ITPR2: variants seen among roughly 807,000 people sequenced by gnomAD.
ITPR2 encodes inositol 1,4,5-trisphosphate receptor type 2.
In ITPR2, 207 loss-of-function variants were observed where a neutral mutation model predicts 317.1. The observed-to-expected ratio is 0.65, with a 90% confidence interval of 0.58 to 0.73. ITPR2 has a LOEUF of 0.73. Ranked by LOEUF, ITPR2 falls within the 30% of genes least tolerant of loss-of-function variation. The pLI is 0.00. For missense variants in ITPR2, 2,613 were observed against 3,284.0 expected (o/e 0.80, Z 4.99); for synonymous variants, 1,156 against 1,149.1 (o/e 1.01, Z -0.12).
chr12:26,484,909 G>A (rs1286407756), intron 41 of ITPR2, among the ~76,000 whole-genome samples: 1 of 152,114 alleles, frequency 6.6e-6, no homozygotes. Context: ...TAGAGACGGG[G>A]TTTCACTGGG....
At position 26,653,907 on chromosome 12, in the gene ITPR2, T is replaced by C. The variant is rs974088463; in HGVS notation, c.2740+69A>G. 23 of 1,309,544 alleles carry C rather than the reference T, an allele frequency of 1.8e-5. No individual in the cohort carries two copies. The South Asian group carries it at 2.2e-4, about 13-fold the overall frequency. The allele number at this position is 1,309,544 out of a possible 1,614,324, so 81.1% of individuals were successfully genotyped here. A position where few individuals can be genotyped will look rare whatever the true frequency, so the allele number is the denominator to read the frequency against. On this transcript the variant is annotated intron_variant, in intron 21 of 56. Transcript: ENST00000381340. ...AGGTACACAATAGCAACCCCTTCTC[T>C]GTAGTTTTGTTTTTTATCTTACTTC...
intron 13 of ITPR2, among the ~76,000 whole-genome samples, chr12:26,669,916 G>A (rs1264539477): frequency 6.6e-6 from 1 of 152,248 alleles, no homozygotes; most frequent in Non-Finnish European, 1.5e-5. Context: ...TGGCTGGGAG[G>A]GTCCTACGCC....
intron 1 of ITPR2, among the ~76,000 whole-genome samples, chr12:26,830,267 T>A (rs1428170510): frequency 6.6e-6 from 1 of 152,250 alleles, no homozygotes; most frequent in Non-Finnish European, 1.5e-5. Flanking sequence ...GGCTTTGTCA[T>A]ATTAACTTCA....
intron 32 of ITPR2, among the ~76,000 whole-genome samples, chr12:26,585,350 AT>A (rs1945497654): frequency 1.3e-5 from 2 of 152,196 alleles, no homozygotes; most frequent in South Asian, 4.1e-4. Flanking sequence ...TAGATATATA[AT>A]AATTTATTTA....
intron 22 of ITPR2, among the ~76,000 whole-genome samples, chr12:26,631,472 T>A (rs1206415702): frequency 6.6e-6 from 1 of 152,216 alleles, no homozygotes; most frequent in Non-Finnish European, 1.5e-5. Context: ...ATATATGGAA[T>A]CACATGTTCA....
At chr12:26,434,442 C>A (rs1418987740) in intron 48 of ITPR2, among the ~76,000 whole-genome samples, 1 of 152,134 alleles carries the variant, frequency 6.6e-6, no homozygotes, top group Non-Finnish European at 1.5e-5. Flanking sequence ...TCTGCTTCTC[C>A]TGAATGAGTA....
At chr12:26,574,268 T>C (rs1945226491) in intron 34 of ITPR2, among the ~76,000 whole-genome samples, 5 of 152,140 alleles carry the variant, frequency 3.3e-5, no homozygotes, top group Admixed American at 3.3e-4. Context: ...AAAATAATTA[T>C]TGTGTTCCTC....
chr12:26,811,816 T>G (rs1950755802), intron 1 of ITPR2, among the ~76,000 whole-genome samples: 1 of 134,352 alleles, frequency 7.4e-6, no homozygotes, highest in Non-Finnish European at 1.5e-5. Flanking sequence ...ATCGCACCAC[T>G]GCACTCCAGC....
rs572034619 is a variant in ITPR2 at position 26,478,991 on chromosome 12, A to G, written c.6124-1984T>C. 1.1e-3 allele frequency among the ~76,000 whole-genome samples: 172 copies of G among 152,030 alleles called. 6 individuals carry two copies. The South Asian group carries it at 0.034, about 30-fold the overall frequency. ...TTAATATGGTATCTTTTTAATGTTA[A>G]AGATAATTTATTATTTAAAGTACCC... On this transcript the variant is annotated intron_variant, in intron 43 of 56. Transcript: ENST00000381340.
chr12:26,760,955 C>T lies in ITPR2; in HGVS notation c.163+29202G>A, dbSNP rs542019235. On this transcript the variant is annotated intron_variant, in intron 2 of 56. Coordinates refer to ENST00000381340, the MANE Select transcript of ITPR2 (RefSeq NM_002223.4). ...GTCCCAGGCACCAGGCTGGCATCCA[C>T]AGACCCAGCCTTCAGGAACACCCCT... 2.6e-5 allele frequency among the ~76,000 whole-genome samples: 4 copies of T among 152,318 alleles called. No individual in the cohort carries two copies. The East Asian group carries it at 7.7e-4, about 29-fold the overall frequency.
At chr12:26,351,372 G>A (rs537174919) in intron 55 of ITPR2, among the ~76,000 whole-genome samples, 2 of 152,370 alleles carry the variant, frequency 1.3e-5, no homozygotes, top group East Asian at 3.9e-4. Flanking sequence ...GGGGAAGCTG[G>A]TCTGAGCAAG....
intron 37 of ITPR2, among the ~76,000 whole-genome samples, chr12:26,536,786 C>A (rs1196266987): frequency 6.6e-6 from 1 of 152,116 alleles, no homozygotes; most frequent in Non-Finnish European, 1.5e-5. Flanking sequence ...GTGCTGAGGG[C>A]CAAGATCAAG....
intron 37 of ITPR2, among the ~76,000 whole-genome samples, chr12:26,513,657 C>G (rs893861005): frequency 2.0e-5 from 3 of 152,050 alleles, no homozygotes; most frequent in Non-Finnish European, 4.4e-5. Flanking sequence ...CCAGGTTTCT[C>G]TTGTCTCAGC....
rs758916640 is a variant in ITPR2, at chr12:26,411,304, A to G, written c.7399+16T>C. ...AGATATCAAGTTCATACTGACCCAG[A>G]GTCCTTTCTACAAACCTGTATTTGA... On this transcript the variant is annotated intron_variant, in intron 52 of 56. Transcript: ENST00000381340. The G allele has an allele frequency of 6.4e-7, 1 of 1,566,982 alleles. No individual in the cohort carries two copies. The highest frequency in any genetic ancestry group is 1.1e-5 in the South Asian group (1 of 90,038).
At position 26,595,584 on chromosome 12, in the gene ITPR2, T is replaced by C; in HGVS notation, c.4261A>G (p.Ile1421Val). ...TGATTAACAAAGTTCACATAAGCAA[T>C]TTTAACCTGTGCAAGTTTCAAATAC... ...THDDCIPEVK[I>V]AYVNFVNHCY... Residue 1421 changes from isoleucine to valine, a missense_variant, in exon 32 of 57, where the codon ATT becomes GTT. Ile to Val is a conservative substitution (Grantham distance 29). This residue lies in a region of ITPR2 where 926 missense variants were observed against 1,072.8 expected (regional missense o/e 0.86). Coordinates refer to ENST00000381340, the MANE Select transcript of ITPR2 (RefSeq NM_002223.4). 1 of 1,565,176 alleles carries C rather than the reference T, an allele frequency of 6.4e-7. No homozygotes were observed. Among genetic ancestry groups the C allele is most frequent in the Non-Finnish European group, 8.6e-7 (1 of 1,164,122 alleles).
intron 2 of ITPR2, among the ~76,000 whole-genome samples, chr12:26,744,606 T>C (rs994887613): frequency 2.6e-5 from 4 of 152,178 alleles, no homozygotes; most frequent in African/African-American, 9.7e-5. Flanking sequence ...AACACAGACA[T>C]GAACATACGA....
chr12:26,393,410 G>T (rs532900480), intron 54 of ITPR2, among the ~76,000 whole-genome samples: 69 of 152,290 alleles, frequency 4.5e-4, no homozygotes, highest in African/African-American at 1.6e-3. Context: ...TTCTGGGAAT[G>T]AATGCATATC....
At position 26,623,134 on chromosome 12, in the gene ITPR2, C is replaced by T. The variant is rs145019386; in HGVS notation, c.3123-729G>A. Among the ~76,000 whole-genome samples the T allele has an allele frequency of 7.3e-3, 1,119 of 152,290 alleles. 6 individuals are homozygous for T. Among genetic ancestry groups the T allele is most frequent in the Middle Eastern group, 0.027 (8 of 294 alleles). ...GCAATAAGATGCTTAGTGTAGTCGT[C>T]CCCACTACCCTACCCAACTCTATCT... On this transcript the variant is annotated intron_variant, in intron 24 of 56. Coordinates refer to ENST00000381340, the MANE Select transcript of ITPR2 (RefSeq NM_002223.4).
chr12:26,374,939 C>A (rs1260295036), intron 55 of ITPR2, among the ~76,000 whole-genome samples: 2 of 152,202 alleles, frequency 1.3e-5, no homozygotes, highest in Admixed American at 1.3e-4. Flanking sequence ...TGCCTGATAA[C>A]CTTATCTAAA....
Sources: allele counts gnomAD v4.1 joint callset (sites outside exome capture counted in the v4.1 genomes callset), GRCh38; gene constraint gnomAD v4.1.1; regional missense constraint gnomAD v4.1.1; transcripts MANE v1.5; gene names NCBI Gene and HGNC (gene_info 2026-07-23, HGNC 2026-07-21).